The following DCC variants were observed in gnomAD, a reference collection of about 807,000 sequenced individuals.
The protein encoded by DCC is netrin receptor DCC.
A neutral mutation model predicts 172.5 loss-of-function variants in DCC; 58 were observed. The ratio of observed to expected loss-of-function variants is 0.34; its 90% CI spans 0.27 to 0.42. DCC has a LOEUF of 0.42. Ranked by LOEUF, DCC falls within the 10% of genes least tolerant of loss-of-function variation. DCC has a pLI of 1.00. For missense variants in DCC, 1,740 were observed against 1,791.0 expected (o/e 0.97, Z 0.51); for synonymous variants, 709 against 644.5 (o/e 1.10, Z -1.52).
intron 12 of DCC, among the ~76,000 whole-genome samples, chr18:53,247,412 T>C (rs1449642282): frequency 6.6e-6 from 1 of 152,032 alleles, no homozygotes; most frequent in African/African-American, 2.4e-5. Flanking sequence ...AGGAAAATTA[T>C]ATGTGCTTAT....
intron 1 of DCC, among the ~76,000 whole-genome samples, chr18:52,704,298 G>A (rs2036171559): frequency 6.6e-6 from 1 of 151,978 alleles, no homozygotes; most frequent in South Asian, 2.1e-4. Context: ...TTACAACATG[G>A]ATAGTCCATT....
At chr18:53,451,710 GCT>G (rs371232356) in intron 23 of DCC, among the ~76,000 whole-genome samples, 123 of 147,134 alleles carry the variant, frequency 8.4e-4, no homozygotes, top group Middle Eastern at 3.4e-3. Flanking sequence ...GCTCGCTCTT[GCT>G]CTCTCTCTCT....
At chr18:52,356,718 T>C (rs1047500288) in intron 1 of DCC, among the ~76,000 whole-genome samples, 1 of 152,172 alleles carries the variant, frequency 6.6e-6, no homozygotes, top group Non-Finnish European at 1.5e-5. Context: ...AGTGAGGTTA[T>C]GAGAGTAGGG....
At chr18:52,361,944 T>C (rs1349384671) in intron 1 of DCC, among the ~76,000 whole-genome samples, 1 of 152,208 alleles carries the variant, frequency 6.6e-6, no homozygotes, top group Non-Finnish European at 1.5e-5. Context: ...CCAGAATAAC[T>C]GTCCAAGGGC....
intron 1 of DCC, among the ~76,000 whole-genome samples, chr18:52,629,639 A>G (rs2034636804): frequency 6.6e-6 from 1 of 152,072 alleles, no homozygotes; most frequent in Non-Finnish European, 1.5e-5. Context: ...ATATGGTGAA[A>G]CCCTGTCTCT....
intron 25 of DCC, among the ~76,000 whole-genome samples, chr18:53,484,247 G>A (rs117121188): frequency 0.044 from 6,721 of 151,770 alleles, 216 homozygotes; most frequent in Non-Finnish European, 0.06. Context: ...ACTCATTCAA[G>A]TTATTTACTT....
chr18:53,326,193 T>C (rs2057466490), intron 14 of DCC, among the ~76,000 whole-genome samples: 1 of 152,150 alleles, frequency 6.6e-6, no homozygotes, highest in Non-Finnish European at 1.5e-5. Context: ...ATAAGCAATC[T>C]GAAAAAGATA....
intron 2 of DCC, among the ~76,000 whole-genome samples, chr18:52,783,228 CA>C (rs761974737): frequency 2.3e-4 from 35 of 149,608 alleles, no homozygotes; most frequent in Non-Finnish European, 4.1e-4. Flanking sequence ...CTTTTTACAG[CA>C]ACTGCTCTTA....
Position 53,453,469 on chromosome 18 carries a change from TG to T in DCC, c.3392+2808del, listed in dbSNP as rs200996782. On this transcript the variant is annotated intron_variant, in intron 23 of 28. Transcript: ENST00000442544. ...TCTAGAGAATATAAATTTTTCTTTATGTTTTTTTTGGGGGACTTGAATTACA... is the reference window on the plus strand; with the variant it reads ...TCTAGAGAATATAAATTTTTCTTTATTTTTTTTTGGGGGACTTGAATTACA... 1.1e-3 allele frequency among the ~76,000 whole-genome samples: 161 copies of T among 140,590 alleles called. 2 individuals carry two copies. Among genetic ancestry groups the T allele is most frequent in the African/African-American group, 4.8e-3 (148 of 30,732 alleles). The allele number at this position is 140,590 out of a possible 152,430, so 92.2% of individuals were successfully genotyped here. A position where few individuals can be genotyped will look rare whatever the true frequency, so the allele number is the denominator to read the frequency against.
At chr18:52,863,399 T>C (rs2039174192) in intron 2 of DCC, among the ~76,000 whole-genome samples, 1 of 151,812 alleles carries the variant, frequency 6.6e-6, no homozygotes, top group South Asian at 2.1e-4. Flanking sequence ...ATACATATCG[T>C]ATAAGTTTTA....
chr18:52,381,078 A>G (rs12326707), intron 1 of DCC, among the ~76,000 whole-genome samples: 23,895 of 152,156 alleles, frequency 0.16, 2,024 homozygotes, highest in Non-Finnish European at 0.18. Flanking sequence ...AGACAAGGAA[A>G]AAGGGGGGCA....
At chr18:53,247,027 AG>A (rs1410247601) in intron 12 of DCC, among the ~76,000 whole-genome samples, 1 of 152,046 alleles carries the variant, frequency 6.6e-6, no homozygotes, top group Admixed American at 6.6e-5. Flanking sequence ...ATCTAGTCAA[AG>A]AAATGGGAGC....
At chr18:53,212,653 C>T (rs1476287018) in intron 11 of DCC, among the ~76,000 whole-genome samples, 1 of 151,780 alleles carries the variant, frequency 6.6e-6, no homozygotes, top group Non-Finnish European at 1.5e-5. Flanking sequence ...TATTTTATTG[C>T]CTTTCAATTC....
At chr18:52,552,288 T>C (rs553688696) in intron 1 of DCC, among the ~76,000 whole-genome samples, 15 of 152,190 alleles carry the variant, frequency 9.9e-5, no homozygotes, top group African/African-American at 3.4e-4. Flanking sequence ...CGAAGGACCT[T>C]GTTTCCAAGA....
rs1175780321 is a variant in DCC, at chr18:53,428,682, T to G, written c.3164-6462T>G. Reference sequence around the variant, plus strand: ...AATGTATATTTTATATAATATATATTTTTATATATAATGTATATTTTATAT... The same window carrying G: ...AATGTATATTTTATATAATATATATGTTTATATATAATGTATATTTTATAT... On this transcript the variant is annotated intron_variant, in intron 21 of 28. Transcript: ENST00000442544. Among the ~76,000 whole-genome samples, 2 of 29,508 alleles carry G rather than the reference T, an allele frequency of 6.8e-5. 1 individual carries two copies. The highest frequency in any genetic ancestry group is 1.7e-3 in the South Asian group (2 of 1,158). The allele number at this position is 29,508 out of a possible 152,430, so 19.4% of individuals were successfully genotyped here. A position where few individuals can be genotyped will look rare whatever the true frequency, so the allele number is the denominator to read the frequency against.
At chr18:52,800,635 A>C (rs181534614) in intron 2 of DCC, among the ~76,000 whole-genome samples, 42 of 151,784 alleles carry the variant, frequency 2.8e-4, no homozygotes, top group African/African-American at 9.9e-4. Context: ...AACACCAAAC[A>C]GATGTTGCAT....
chr18:53,111,322 C>T (rs1338531358), intron 7 of DCC, among the ~76,000 whole-genome samples: 1 of 150,122 alleles, frequency 6.7e-6, no homozygotes, highest in East Asian at 2.0e-4. Flanking sequence ...CTGGGTGTAG[C>T]ACACCAACAT....
At chr18:53,176,006 C>A (rs1332551686) in intron 8 of DCC, among the ~76,000 whole-genome samples, 1 of 151,008 alleles carries the variant, frequency 6.6e-6, no homozygotes. Flanking sequence ...CAGAACAGAG[C>A]CCTCAGAAAT....
chr18:53,031,961 C>T (rs533967250), intron 5 of DCC, among the ~76,000 whole-genome samples: 2 of 152,188 alleles, frequency 1.3e-5, no homozygotes, highest in East Asian at 3.9e-4. Context: ...CTTGGTTGAA[C>T]TGGTCCAGCA....
Sources: allele counts gnomAD v4.1 joint callset (sites outside exome capture counted in the v4.1 genomes callset), GRCh38; gene constraint gnomAD v4.1.1; transcripts MANE v1.5; gene names NCBI Gene and HGNC (gene_info 2026-07-23, HGNC 2026-07-21).